Variants in PALLD observed in about 807,000 individuals in gnomAD.
PALLD encodes palladin, cytoskeletal associated protein, also known as palladin.
PALLD carries 61 observed loss-of-function variants against 123.5 expected under a neutral mutation model. That is an observed-to-expected ratio of 0.49 (90% CI 0.40 to 0.61). The LOEUF (loss-of-function observed/expected upper bound fraction) is 0.61. Among genes scored for constraint, PALLD ranks in the 20% least tolerant of loss-of-function variants. The pLI, the probability that PALLD is intolerant of heterozygous loss-of-function variation, is 0.00. For missense variants in PALLD, 1,273 were observed against 1,377.0 expected (o/e 0.92, Z 1.20); for synonymous variants, 465 against 496.4 (o/e 0.94, Z 0.84).
At chr4:168,760,010 C>T (rs1445720787) in intron 10 of PALLD, among the ~76,000 whole-genome samples, 1 of 151,048 alleles carries the variant, frequency 6.6e-6, no homozygotes, top group East Asian at 1.9e-4. Flanking sequence ...GCTGAGATGG[C>T]ACCACTGCAC....
At chr4:168,706,719 A>C (rs1189492929) in intron 8 of PALLD, among the ~76,000 whole-genome samples, 1 of 152,232 alleles carries the variant, frequency 6.6e-6, no homozygotes, top group Non-Finnish European at 1.5e-5. Context: ...GTAAAACTCA[A>C]TGATGCCTAT....
intron 2 of PALLD, among the ~76,000 whole-genome samples, chr4:168,551,422 C>T (rs908428320): frequency 1.3e-5 from 2 of 152,084 alleles, no homozygotes; most frequent in African/African-American, 4.8e-5. Flanking sequence ...TAACCACAAA[C>T]TTGGGAGTCA....
chr4:168,792,721 G>A (rs1737706535), intron 10 of PALLD, among the ~76,000 whole-genome samples: 1 of 151,882 alleles, frequency 6.6e-6, no homozygotes, highest in African/African-American at 2.4e-5. Context: ...TGCTGGGTGT[G>A]TGAATCCAGC....
At chr4:168,600,777 C>G (rs190637982) in intron 2 of PALLD, among the ~76,000 whole-genome samples, 1 of 152,204 alleles carries the variant, frequency 6.6e-6, no homozygotes, top group African/African-American at 2.4e-5. Context: ...CAAAGAAAGT[C>G]TAGACTGCAA....
chr4:168,668,380 T>G lies in PALLD; in HGVS notation c.1087+12T>G, dbSNP rs763230791. 3.8e-6 allele frequency: 6 copies of G among 1,589,080 alleles called. No homozygotes were observed. The highest frequency in any genetic ancestry group is 4.3e-6 in the Non-Finnish European group (5 of 1,165,420). On this transcript the variant is annotated intron_variant, in intron 3 of 21. Coordinates refer to ENST00000505667, the MANE Select transcript of PALLD (RefSeq NM_001166108.2). Reference sequence around the variant, plus strand: ...GGTGTTCATTGAAGGTAAGGAGGGGTGCCTGGTAATGGGGGATAAAGGGGT... The same window carrying G: ...GGTGTTCATTGAAGGTAAGGAGGGGGGCCTGGTAATGGGGGATAAAGGGGT...
At chr4:168,847,020 C>T (rs1286225090) in intron 10 of PALLD, among the ~76,000 whole-genome samples, 1 of 152,198 alleles carries the variant, frequency 6.6e-6, no homozygotes, top group Non-Finnish European at 1.5e-5. Context: ...GAATTGCAAG[C>T]TGCTCCCATC....
intron 2 of PALLD, among the ~76,000 whole-genome samples, chr4:168,610,379 C>T (rs1397136736): frequency 1.3e-5 from 2 of 152,204 alleles, no homozygotes; most frequent in Non-Finnish European, 2.9e-5. Flanking sequence ...TCAGGTGCTA[C>T]TCTCTGGGCT....
chr4:168,545,145 G>A (rs1276404362), intron 2 of PALLD, among the ~76,000 whole-genome samples: 2 of 152,094 alleles, frequency 1.3e-5, no homozygotes, highest in African/African-American at 4.8e-5. Context: ...ATCCTCTCTG[G>A]TTTCCAAAAC....
Position 168,511,751 on chromosome 4 carries a change from G to T in PALLD, c.247G>T (p.Glu83Ter). The change falls in exon 2 of 22, where the codon GAG becomes TAG. Residue 83 changes from glutamate to a stop codon, truncating the protein, a stop_gained. Transcript: ENST00000505667. LOFTEE classifies it high-confidence loss of function. Reference protein sequence around the residue: ...ASLCEHPSHKETKLGEHASRR... With the variant: ...ASLCEHPSHK ...CCTCTGTGAACATCCTTCCCATAAG[G>T]AGACCAAATTGGGTGAACACGCCTC... is the stretch of plus-strand genomic sequence containing the variant. The T allele has an allele frequency of 6.2e-7, 1 of 1,614,136 alleles. No homozygotes were observed. Among genetic ancestry groups the T allele is most frequent in the South Asian group, 1.1e-5 (1 of 91,062 alleles).
intron 2 of PALLD, among the ~76,000 whole-genome samples, chr4:168,664,632 G>A (rs969561573): frequency 9.9e-5 from 15 of 152,160 alleles, no homozygotes; most frequent in African/African-American, 3.6e-4. Context: ...AAAATAATTA[G>A]CATGAGCCAT....
At chr4:168,497,371 C>G (rs1490125722) in intron 1 of PALLD, among the ~76,000 whole-genome samples, 177 bp downstream of exon 1, 1 of 152,096 alleles carries the variant, frequency 6.6e-6, no homozygotes, top group African/African-American at 2.4e-5. Context: ...TTGCCAAAAA[C>G]AGATAATACG....
chr4:168,692,726 T>C (rs1782746258), intron 8 of PALLD, among the ~76,000 whole-genome samples: 1 of 152,220 alleles, frequency 6.6e-6, no homozygotes, highest in Admixed American at 6.5e-5. Context: ...AGGCTAAAAT[T>C]TTGAGCCAAA....
At chr4:168,767,022 A>C (rs1733760047) in intron 10 of PALLD, among the ~76,000 whole-genome samples, 1 of 152,178 alleles carries the variant, frequency 6.6e-6, no homozygotes, top group African/African-American at 2.4e-5. Flanking sequence ...TGGCTTTCAG[A>C]AATCTTCCTC....
intron 2 of PALLD, among the ~76,000 whole-genome samples, chr4:168,638,183 C>CA (rs1466110050): frequency 2.6e-5 from 4 of 152,124 alleles, no homozygotes; most frequent in Admixed American, 1.3e-4. Flanking sequence ...TTAATCCTCA[C>CA]AAAAATATTA....
chr4:168,499,066 T>C (rs1579964156), intron 1 of PALLD, among the ~76,000 whole-genome samples: 1 of 149,616 alleles, frequency 6.7e-6, no homozygotes, highest in East Asian at 2.0e-4. Context: ...AGGAAAATAA[T>C]CCATGTGTAT....
At chr4:168,602,289 A>G (rs1403576040) in intron 2 of PALLD, among the ~76,000 whole-genome samples, 2 of 152,218 alleles carry the variant, frequency 1.3e-5, no homozygotes, top group Admixed American at 1.3e-4. Flanking sequence ...AATGCCTACT[A>G]AGGGTTAAAC....
At chr4:168,816,389 G>GTATATATATATATATATA (rs34216824) in intron 10 of PALLD, among the ~76,000 whole-genome samples, 1 of 139,026 alleles carries the variant, frequency 7.2e-6, no homozygotes, top group African/African-American at 2.6e-5. Context: ...GTGTATGTGT[G>GTATATATATATATATATA]TATATATATA....
rs75199224 is a variant in PALLD at position 168,711,471 on chromosome 4, T to G, written c.1622-110T>G. 258 of 838,430 alleles carry G rather than the reference T, an allele frequency of 3.1e-4. No individual in the cohort carries two copies. In the East Asian group the frequency reaches 6.4e-3, roughly 21 times the overall value. The allele number at this position is 838,430 out of a possible 1,614,324, so 51.9% of individuals were successfully genotyped here. A position where few individuals can be genotyped will look rare whatever the true frequency, so the allele number is the denominator to read the frequency against. On this transcript the variant is annotated intron_variant, in intron 9 of 21. Coordinates refer to ENST00000505667, the MANE Select transcript of PALLD (RefSeq NM_001166108.2). ...ATGAGAGCAGCACAATCACCTCTTC[T>G]TTAACAACTTCACACAACACAGGGA...
At chr4:168,666,999 T>C (rs2150007507) in intron 2 of PALLD, among the ~76,000 whole-genome samples, 1 of 152,314 alleles carries the variant, frequency 6.6e-6, no homozygotes, top group Admixed American at 6.5e-5. Flanking sequence ...CATAGAATGC[T>C]CAGTTGGCTG....
Sources: gnomAD v4.1 joint callset for allele counts (sites outside exome capture counted in the v4.1 genomes callset) on GRCh38, gnomAD v4.1.1 for gene constraint, MANE v1.5 for transcripts, NCBI Gene and HGNC (gene_info 2026-07-23, HGNC 2026-07-21) for gene names.